MIER1: variants seen among roughly 807,000 people sequenced by gnomAD.
MIER1 encodes mesoderm induction early response protein 1.
A neutral mutation model predicts 75.7 loss-of-function variants in MIER1; 40 were observed. The ratio of observed to expected loss-of-function variants is 0.53; its 90% confidence interval spans 0.41 to 0.69. The LOEUF (loss-of-function observed/expected upper bound fraction) is 0.69. MIER1 is among the 30% of genes least tolerant of loss of function. MIER1 has a pLI of 0.00. For synonymous variants in MIER1, 213 were observed against 223.4 expected (o/e 0.95, Z 0.42); for missense variants, 574 against 680.2 (o/e 0.84, Z 1.74).
intron 3 of MIER1, among the ~76,000 whole-genome samples, chr1:66,943,527 T>G (rs1656743641): frequency 6.6e-6 from 1 of 152,140 alleles, no homozygotes; most frequent in Non-Finnish European, 1.5e-5. Flanking sequence ...TTCCTTACTA[T>G]CTTTTCCTTT....
intron 3 of MIER1, chr1:66,940,336 G>T (rs1212763255): frequency 2.2e-5 from 5 of 228,646 alleles, no homozygotes; most frequent in African/African-American, 3.4e-5. Context: ...ATTATTGTTT[G>T]ACTTGTAGTA....
At chr1:66,929,362 T>A (rs1295599315) in intron 2 of MIER1, among the ~76,000 whole-genome samples, 2 of 152,234 alleles carry the variant, frequency 1.3e-5, no homozygotes, top group Non-Finnish European at 2.9e-5. Context: ...TAGTAAAATA[T>A]GTTAGTGACT....
chr1:66,953,611 T>TA (rs1267321040), intron 4 of MIER1, among the ~76,000 whole-genome samples: 6 of 148,960 alleles, frequency 4.0e-5, no homozygotes, highest in African/African-American at 1.5e-4. Context: ...TTTTTTTTTT[T>TA]TAATATTCTT....
intron 8 of MIER1, among the ~76,000 whole-genome samples, chr1:66,968,551 A>G (rs1662898545): frequency 6.6e-6 from 1 of 152,150 alleles, no homozygotes. Context: ...CTTACCTAGT[A>G]TCTTGGAGAG....
At chr1:66,930,228 G>C (rs1399059896) in intron 2 of MIER1, 1 of 1,432,352 alleles carries the variant, frequency 7.0e-7, no homozygotes, top group Non-Finnish European at 9.1e-7. Context: ...AGTGGGGTGT[G>C]GTGGGCGCGC....
At chr1:66,968,235 G>T (rs1212767479) in intron 8 of MIER1, among the ~76,000 whole-genome samples, 2 of 152,048 alleles carry the variant, frequency 1.3e-5, no homozygotes, top group Non-Finnish European at 2.9e-5. Context: ...CAGCTTTGTA[G>T]TTCTAGAAAT....
intron 3 of MIER1, among the ~76,000 whole-genome samples, chr1:66,943,177 A>G (rs1656661249): frequency 1.3e-5 from 2 of 152,110 alleles, no homozygotes; most frequent in African/African-American, 4.8e-5. Context: ...TGGGTGAACT[A>G]AAAAGTTTGA....
At chr1:66,940,417 GTATTTT>G (rs1053867142) in intron 3 of MIER1, among the ~76,000 whole-genome samples, 61 of 151,384 alleles carry the variant, frequency 4.0e-4, no homozygotes, top group Non-Finnish European at 8.2e-4. Flanking sequence ...GGATTTCAAA[GTATTTT>G]TATTTGAGAA....
Position 66,986,324 on chromosome 1 carries a change from TGTA to T in MIER1, c.*1427_*1429del, listed in dbSNP as rs1044009140. 1.4e-5 allele frequency: 22 copies of T among 1,540,416 alleles called. No homozygotes were observed. In the Admixed American group the frequency reaches 2.5e-4, roughly 17 times the overall value. On this transcript the variant is annotated 3_prime_UTR_variant, in exon 14 of 14. Coordinates refer to ENST00000401041, the MANE Select transcript of MIER1 (RefSeq NM_001077700.3). Reference sequence around the variant, plus strand: ...TTAGTGCTAAATTCTTGTTAAATAATGTAGTTTTATATAGCTGATAGACCAACC... The same window carrying T: ...TTAGTGCTAAATTCTTGTTAAATAATGTTTTATATAGCTGATAGACCAACC...
intron 11 of MIER1, among the ~76,000 whole-genome samples, chr1:66,974,436 G>T (rs12070382): frequency 0.12 from 17,148 of 146,028 alleles, 2,132 homozygotes; most frequent in African/African-American, 0.34. Context: ...TTTTTTTTTT[G>T]TTGTTGTTGT....
intron 11 of MIER1, among the ~76,000 whole-genome samples, chr1:66,974,153 A>G (rs931741225): frequency 6.6e-6 from 1 of 151,860 alleles, no homozygotes; most frequent in Non-Finnish European, 1.5e-5. Context: ...CAATTAGTTC[A>G]TTCTTAATTA....
At chr1:66,933,383 CTT>C (rs1653922079) in intron 2 of MIER1, among the ~76,000 whole-genome samples, 1 of 152,146 alleles carries the variant, frequency 6.6e-6, no homozygotes, top group African/African-American at 2.4e-5. Context: ...CAAGACCTGT[CTT>C]TTCACCTAGG....
Position 66,986,174 on chromosome 1 carries a change from A to G in MIER1, c.*1274A>G, listed in dbSNP as rs1287909605. 1.9e-5 allele frequency: 23 copies of G among 1,231,306 alleles called. No homozygotes were observed. The highest frequency in any genetic ancestry group is 4.1e-5 in the Admixed American group (1 of 24,370). The allele number at this position is 1,231,306 out of a possible 1,614,324, so 76.3% of individuals were successfully genotyped here. On this transcript the variant is annotated 3_prime_UTR_variant, in exon 14 of 14. Transcript: ENST00000401041. ...AACTTTTCAAACTTTTCTAGTTACA[A>G]TCCAATTTTTCAGATTTGATAATGC...
intron 1 of MIER1, chr1:66,925,643 A>G: frequency 5.4e-6 from 4 of 745,560 alleles, no homozygotes; most frequent in Non-Finnish European, 6.5e-6. Context: ...AGCGCGTGGG[A>G]GGATCCCTTG....
intron 2 of MIER1, among the ~76,000 whole-genome samples, chr1:66,936,201 C>G (rs1403329258): frequency 6.6e-6 from 1 of 151,880 alleles, no homozygotes; most frequent in African/African-American, 2.4e-5. Flanking sequence ...TAAATAAGCA[C>G]TTACTTAGCT....
intron 4 of MIER1, among the ~76,000 whole-genome samples, chr1:66,955,753 GT>G (rs1367414631): frequency 6.6e-6 from 1 of 152,072 alleles, no homozygotes; most frequent in Non-Finnish European, 1.5e-5. Context: ...TAACGCTTAT[GT>G]TTTTTTCCTT....
At chr1:66,980,054 A>C (rs1460249701) in intron 12 of MIER1, among the ~76,000 whole-genome samples, 1 of 152,126 alleles carries the variant, frequency 6.6e-6, no homozygotes, top group Non-Finnish European at 1.5e-5. Context: ...GTGAGCCACC[A>C]CACCCGGCCT....
At chr1:66,963,038 TA>T in intron 7 of MIER1, 49 bp from the exon 8 acceptor site, 1 of 1,277,702 alleles carries the variant, frequency 7.8e-7, no homozygotes. Flanking sequence ...AAAATGGATA[TA>T]AAATCTGTTA....
chr1:66,931,807 A>G (rs923930927), intron 2 of MIER1, among the ~76,000 whole-genome samples: 2 of 151,976 alleles, frequency 1.3e-5, no homozygotes, highest in African/African-American at 2.4e-5. Flanking sequence ...TGTTTCCTTC[A>G]TGTTTAAGGA....
Sources: gnomAD v4.1 joint callset for allele counts (sites outside exome capture counted in the v4.1 genomes callset) on GRCh38, gnomAD v4.1.1 for gene constraint, MANE v1.5 for transcripts, NCBI Gene and HGNC (gene_info 2026-07-23, HGNC 2026-07-21) for gene names.